The following MAN1A2 variants were observed in gnomAD, a reference collection of about 807,000 sequenced individuals.
MAN1A2 encodes mannosyl-oligosaccharide 1,2-alpha-mannosidase IB.
MAN1A2 carries 26 observed loss-of-function variants against 75.7 expected under a neutral mutation model. The observed-to-expected ratio is 0.34, with a 90% confidence interval of 0.25 to 0.48. The LOEUF (loss-of-function observed/expected upper bound fraction) is 0.48, where lower values mean the gene tolerates loss of function less well. Among genes scored for constraint, MAN1A2 ranks in the 20% least tolerant of loss-of-function variants. MAN1A2 has a pLI of 0.99. For synonymous variants in MAN1A2, 247 were observed against 264.6 expected, an observed-to-expected ratio of 0.93 and a Z score of 0.65; for missense variants, 562 against 775.5, an observed-to-expected ratio of 0.72 and a Z score of 3.27.
chr1:117,480,939 GTTACCTACACC>G (rs1650477995), intron 8 of MAN1A2, among the ~76,000 whole-genome samples: 1 of 151,492 alleles, frequency 6.6e-6, no homozygotes, highest in African/African-American at 2.4e-5. Context: ...CTAATGGTTC[GTTACCTACACC>G]TTTCCCTCAA....
intron 1 of MAN1A2, 83 bp from the exon 2 acceptor site, chr1:117,402,103 G>C (rs1468632215): frequency 1.5e-6 from 2 of 1,378,474 alleles, no homozygotes; most frequent in Admixed American, 2.3e-5. Context: ...GGGTTTAATG[G>C]AGAAACCTTT....
chr1:117,389,876 C>A (rs898141969), intron 1 of MAN1A2, among the ~76,000 whole-genome samples: 1 of 151,428 alleles, frequency 6.6e-6, no homozygotes, highest in Admixed American at 6.6e-5. Flanking sequence ...TAGGAAATAC[C>A]CTTGCATTCC....
At chr1:117,519,868 C>T (rs1446151787) in intron 12 of MAN1A2, among the ~76,000 whole-genome samples, 1 of 151,894 alleles carries the variant, frequency 6.6e-6, no homozygotes, top group Non-Finnish European at 1.5e-5. Flanking sequence ...CAGGAAAGGA[C>T]ATACCCAAAA....
chr1:117,427,741 ATG>A (rs917834633), intron 5 of MAN1A2, among the ~76,000 whole-genome samples: 35 of 130,112 alleles, frequency 2.7e-4, no homozygotes, highest in African/African-American at 9.0e-4. Flanking sequence ...GAAATGACAC[ATG>A]TTATATGTGG....
Position 117,405,529 on chromosome 1 carries a change from T to C in MAN1A2, c.559-20T>C, listed in dbSNP as rs1407307447. On this transcript the variant is annotated intron_variant, in intron 2 of 12. Coordinates refer to ENST00000356554, the MANE Select transcript of MAN1A2 (RefSeq NM_006699.5). ...TTGTGAAAAATTTAAATTGATGGAT[T>C]ATAATTTTTCTCTTTTCAGATGATG... The C allele has an allele frequency of 2.8e-6, 4 of 1,442,078 alleles. No individual in the cohort carries two copies. Among genetic ancestry groups the C allele is most frequent in the Non-Finnish European group, 3.9e-6 (4 of 1,024,104 alleles). 89.3% of individuals were successfully genotyped at this position (1,442,078 alleles called of 1,614,324 possible).
In MAN1A2 at chr1:117,526,409, G is replaced by T. The variant is rs1014276316; in HGVS notation, c.*3452G>T. The T allele has an allele frequency of 1.3e-5, 2 of 151,516 alleles. No individual in the cohort carries two copies. Among genetic ancestry groups the T allele is most frequent in the African/African-American group, 4.8e-5 (2 of 41,326 alleles). 9.4% of individuals were successfully genotyped at this position (151,516 alleles called of 1,614,324 possible). A position where few individuals can be genotyped will look rare whatever the true frequency, so the allele number is the denominator to read the frequency against. On this transcript the variant is annotated 3_prime_UTR_variant, in exon 13 of 13. Coordinates refer to ENST00000356554, the MANE Select transcript of MAN1A2 (RefSeq NM_006699.5). ...ATAAATTAAAGAGGAAAAAGAAAAG[G>T]TTTATAATATATTTTAAAACAATGT...
chr1:117,443,775 T>C (rs533697120), intron 6 of MAN1A2, among the ~76,000 whole-genome samples: 2 of 152,266 alleles, frequency 1.3e-5, no homozygotes, highest in East Asian at 1.9e-4. Context: ...TTTAAAACTT[T>C]TTAAGTAAAT....
intron 5 of MAN1A2, among the ~76,000 whole-genome samples, chr1:117,429,439 C>A (rs1451804320): frequency 2.3e-5 from 3 of 132,376 alleles, no homozygotes; most frequent in African/African-American, 5.7e-5. Context: ...GGGGCTGACC[C>A]CCCCCACCTC....
At chr1:117,369,717 C>A (rs1652895101) in intron 1 of MAN1A2, among the ~76,000 whole-genome samples, 1 of 152,118 alleles carries the variant, frequency 6.6e-6, no homozygotes, top group Non-Finnish European at 1.5e-5. Flanking sequence ...TACTGTACTC[C>A]TGTATTTGTT....
At chr1:117,487,682 C>T (rs1284968210) in intron 8 of MAN1A2, among the ~76,000 whole-genome samples, 1 of 151,962 alleles carries the variant, frequency 6.6e-6, no homozygotes, top group Non-Finnish European at 1.5e-5. Flanking sequence ...TTGATATATA[C>T]ATATTTCAAA....
intron 8 of MAN1A2, among the ~76,000 whole-genome samples, chr1:117,477,552 A>G (rs1359473851): frequency 6.6e-6 from 1 of 152,034 alleles, no homozygotes; most frequent in African/African-American, 2.4e-5. Context: ...GATTATCTCA[A>G]TAGATGCAGA....
chr1:117,428,597 C>T (rs1358432150), intron 5 of MAN1A2, among the ~76,000 whole-genome samples: 1 of 151,670 alleles, frequency 6.6e-6, no homozygotes, highest in Non-Finnish European at 1.5e-5. Context: ...GTTAAAACGA[C>T]ATAAAAGCAA....
At chr1:117,433,959 G>A (rs1342622148) in intron 5 of MAN1A2, among the ~76,000 whole-genome samples, 1 of 152,176 alleles carries the variant, frequency 6.6e-6, no homozygotes, top group African/African-American at 2.4e-5. Flanking sequence ...TTGGAAATGT[G>A]ATTATATGGC....
At chr1:117,457,614 G>A (rs964776933) in intron 6 of MAN1A2, among the ~76,000 whole-genome samples, 7 of 152,060 alleles carry the variant, frequency 4.6e-5, no homozygotes, top group African/African-American at 1.4e-4. Context: ...GACTTTTGGC[G>A]AGATGTTCTT....
At position 117,373,593 on chromosome 1, in the gene MAN1A2, T is replaced by G. The variant is rs142978306; in HGVS notation, c.302+5108T>G. 3.0e-3 allele frequency among the ~76,000 whole-genome samples: 463 copies of G among 152,066 alleles called. 3 individuals are homozygous for G. The highest frequency in any genetic ancestry group is 0.011 in the African/African-American group (442 of 41,494). ...CCTATGCTGAAGTGATCCTCCTGTC[T>G]TAGCCTTCTGAGTAGCTGAAACTAT... is the stretch of plus-strand genomic sequence containing the variant. On this transcript the variant is annotated intron_variant, in intron 1 of 12. Coordinates refer to ENST00000356554, the MANE Select transcript of MAN1A2 (RefSeq NM_006699.5).
intron 2 of MAN1A2, among the ~76,000 whole-genome samples, chr1:117,404,107 T>A (rs1647536671): frequency 6.6e-6 from 1 of 152,302 alleles, no homozygotes; most frequent in South Asian, 2.1e-4. Flanking sequence ...CTTATATTCC[T>A]GGGTTAAACT....
chr1:117,396,250 C>T (rs574004871), intron 1 of MAN1A2, among the ~76,000 whole-genome samples: 10 of 152,122 alleles, frequency 6.6e-5, no homozygotes, highest in Non-Finnish European at 1.0e-4. Context: ...GCCAACCCTA[C>T]CTGAAGATCT....
At chr1:117,509,497 CT>C (rs1346311260) in intron 12 of MAN1A2, among the ~76,000 whole-genome samples, 1 of 151,888 alleles carries the variant, frequency 6.6e-6, no homozygotes, top group African/African-American at 2.4e-5. Flanking sequence ...CCTGCCCCGA[CT>C]TGGAAGTATA....
chr1:117,507,424 A>G (rs1160185377), intron 12 of MAN1A2, among the ~76,000 whole-genome samples: 3 of 151,656 alleles, frequency 2.0e-5, no homozygotes, highest in African/African-American at 4.8e-5. Flanking sequence ...TCCACTTCCA[A>G]TCCTCTTTCT....
Sources: allele counts gnomAD v4.1 joint callset (sites outside exome capture counted in the v4.1 genomes callset), GRCh38; gene constraint gnomAD v4.1.1; transcripts MANE v1.5; gene names NCBI Gene and HGNC (gene_info 2026-07-23, HGNC 2026-07-21).